Variants in ATXN1 observed in about 807,000 individuals in gnomAD.
ATXN1 encodes ataxin 1, also known as ataxin-1.
A neutral mutation model predicts 56.4 loss-of-function variants in ATXN1; 8 were observed. That is an observed-to-expected ratio of 0.14 (90% CI 0.08 to 0.26). The LOEUF (loss-of-function observed/expected upper bound fraction) is 0.26. ATXN1 is among the 10% of genes least tolerant of loss of function. The pLI is 1.00. For synonymous variants in ATXN1, 514 were observed against 494.6 expected (o/e 1.04, Z -0.52); for missense variants, 987 against 1,106.5 (o/e 0.89, Z 1.53).
intron 2 of ATXN1, among the ~76,000 whole-genome samples, chr6:16,689,433 C>G (rs981708113): frequency 2.6e-5 from 4 of 151,994 alleles, no homozygotes; most frequent in Non-Finnish European, 5.9e-5. Flanking sequence ...CCCACCTCAG[C>G]TCCCGAGCAG....
chr6:16,495,447 A>G (rs1040330003), intron 5 of ATXN1, among the ~76,000 whole-genome samples: 9 of 152,344 alleles, frequency 5.9e-5, no homozygotes, highest in Admixed American at 5.9e-4. Flanking sequence ...GAATTTACCA[A>G]AAGTATTAAA....
intron 3 of ATXN1, among the ~76,000 whole-genome samples, chr6:16,653,891 T>G (rs138742614): frequency 0.012 from 1,896 of 152,252 alleles, 19 homozygotes; most frequent in Middle Eastern, 0.058. Context: ...ACCTGGACCC[T>G]TTGCTGTGGG....
At chr6:16,571,158 C>T (rs1244791963) in intron 4 of ATXN1, among the ~76,000 whole-genome samples, 5 of 152,108 alleles carry the variant, frequency 3.3e-5, no homozygotes, top group Non-Finnish European at 7.4e-5. Context: ...GCTAAAAAAA[C>T]AAGACAGCTA....
intron 2 of ATXN1, among the ~76,000 whole-genome samples, chr6:16,674,960 A>T (rs16878738): frequency 0.073 from 11,140 of 152,244 alleles, 465 homozygotes; most frequent in Admixed American, 0.13. Context: ...CAGACTTTCA[A>T]TTTCAAAATA....
chr6:16,571,586 G>A (rs1015147937), intron 4 of ATXN1, among the ~76,000 whole-genome samples: 3 of 151,846 alleles, frequency 2.0e-5, no homozygotes, highest in African/African-American at 7.3e-5. Flanking sequence ...TGAACTCCTG[G>A]GCTCAAGCAA....
chr6:16,644,563 G>GGTGTGTGTGTGTGTGTGTGTGT (rs113345902), intron 3 of ATXN1, among the ~76,000 whole-genome samples: 1 of 142,902 alleles, frequency 7.0e-6, no homozygotes, highest in African/African-American at 2.6e-5. Context: ...TAAATTTTAT[G>GGTGTGTGTGTGTGTGTGTGTGT]GTGTGTGTGT....
At chr6:16,678,999 GC>G (rs1300083702) in intron 2 of ATXN1, among the ~76,000 whole-genome samples, 1 of 151,118 alleles carries the variant, frequency 6.6e-6, no homozygotes, top group Non-Finnish European at 1.5e-5. Flanking sequence ...TCACGCCACT[GC>G]ACCCCAGCCT....
At chr6:16,747,703 T>A (rs1386705707) in intron 2 of ATXN1, among the ~76,000 whole-genome samples, 3 of 151,494 alleles carry the variant, frequency 2.0e-5, no homozygotes, top group Non-Finnish European at 4.4e-5. Context: ...TTTCACTCAG[T>A]GTAAGAAAGA....
chr6:16,428,892 G>C (rs1017452305), intron 6 of ATXN1, among the ~76,000 whole-genome samples: 1 of 152,226 alleles, frequency 6.6e-6, no homozygotes, highest in Non-Finnish European at 1.5e-5. Flanking sequence ...TGCGGAAGAG[G>C]GGATGGGAGC....
At chr6:16,371,316 T>C (rs997991767) in intron 6 of ATXN1, among the ~76,000 whole-genome samples, 2 of 151,266 alleles carry the variant, frequency 1.3e-5, no homozygotes, top group Admixed American at 1.3e-4. Flanking sequence ...AGTTACAATT[T>C]TTTTTTTTTT....
intron 6 of ATXN1, among the ~76,000 whole-genome samples, chr6:16,389,355 A>G (rs1310463112): frequency 6.6e-6 from 1 of 152,060 alleles, no homozygotes; most frequent in Non-Finnish European, 1.5e-5. Flanking sequence ...AAGAAAAAAA[A>G]AAAAGGAAAG....
intron 3 of ATXN1, chr6:16,652,707 A>C (rs906849912): frequency 3.3e-5 from 5 of 152,232 alleles, no homozygotes; most frequent in African/African-American, 1.2e-4. Context: ...CGCTCCCATC[A>C]GATGGAAAGA....
chr6:16,748,582 T>C (rs2113526214), intron 2 of ATXN1, among the ~76,000 whole-genome samples: 1 of 152,340 alleles, frequency 6.6e-6, no homozygotes, highest in South Asian at 2.1e-4. Flanking sequence ...GTAATGAGGA[T>C]TCAATAAGTT....
chr6:16,595,946 C>A (rs372476471), intron 3 of ATXN1, among the ~76,000 whole-genome samples: 1 of 152,208 alleles, frequency 6.6e-6, no homozygotes, highest in African/African-American at 2.4e-5. Flanking sequence ...CAGTGTTAAA[C>A]AGGAGCGAGA....
chr6:16,321,926 G>T (rs1250156712), intron 7 of ATXN1, among the ~76,000 whole-genome samples: 2 of 152,206 alleles, frequency 1.3e-5, no homozygotes, highest in Non-Finnish European at 2.9e-5. Context: ...TATCTCCTAT[G>T]AAGAATCATA....
intron 6 of ATXN1, among the ~76,000 whole-genome samples, chr6:16,387,099 T>C (rs1431689242): frequency 1.3e-5 from 2 of 152,194 alleles, no homozygotes; most frequent in Non-Finnish European, 2.9e-5. Flanking sequence ...TGTTAGCTTG[T>C]TAAATACATG....
chr6:16,633,857 A>T (rs1163105957), intron 3 of ATXN1, among the ~76,000 whole-genome samples: 2 of 152,198 alleles, frequency 1.3e-5, no homozygotes, highest in African/African-American at 4.8e-5. Flanking sequence ...TTACGCTTGC[A>T]CCTTATTTGC....
chr6:16,517,070 T>C (rs1364039833), intron 5 of ATXN1, among the ~76,000 whole-genome samples: 1 of 152,268 alleles, frequency 6.6e-6, no homozygotes. Context: ...CATGCAGGCA[T>C]GGATCATCAG....
At chr6:16,411,696 G>C (rs531393565) in intron 6 of ATXN1, among the ~76,000 whole-genome samples, 1 of 152,322 alleles carries the variant, frequency 6.6e-6, no homozygotes, top group African/African-American at 2.4e-5. Flanking sequence ...TGGCCTGGGG[G>C]AGAAATGAAT....
Sources: allele counts gnomAD v4.1 joint callset (sites outside exome capture counted in the v4.1 genomes callset), GRCh38; gene constraint gnomAD v4.1.1; transcripts MANE v1.5; gene names NCBI Gene and HGNC (gene_info 2026-07-23, HGNC 2026-07-21).